Variants in TXNL1 observed in about 807,000 individuals in gnomAD.
The protein encoded by TXNL1 is thioredoxin like 1, also known as thioredoxin-like protein 1.
In TXNL1, 14 loss-of-function variants were observed where a neutral mutation model predicts 35.5. The ratio of observed to expected loss-of-function variants is 0.39; its 90% CI spans 0.26 to 0.62. The LOEUF (loss-of-function observed/expected upper bound fraction) is 0.62, where lower values mean the gene tolerates loss of function less well. Ranked by LOEUF, TXNL1 falls within the 20% of genes least tolerant of loss-of-function variation. TXNL1 has a pLI of 0.47. For synonymous variants in TXNL1, 110 were observed against 115.5 expected, an observed-to-expected ratio of 0.95 and a Z score of 0.31; for missense variants, 263 against 349.7, an observed-to-expected ratio of 0.75 and a Z score of 1.98.
chr18:56,638,168 G>A (rs2024487042), intron 1 of TXNL1, among the ~76,000 whole-genome samples, 175 bp downstream of exon 1: 2 of 152,226 alleles, frequency 1.3e-5, no homozygotes, highest in African/African-American at 4.8e-5. Context: ...GAACCCCTGT[G>A]CATAAATGGG....
At chr18:56,629,897 A>G (rs1483995466) in intron 1 of TXNL1, among the ~76,000 whole-genome samples, 3 of 152,142 alleles carry the variant, frequency 2.0e-5, no homozygotes, top group Non-Finnish European at 4.4e-5. Flanking sequence ...CAAGATCAGT[A>G]AGAAAGATAG....
chr18:56,611,361 G>C (rs1598913652), intron 6 of TXNL1, among the ~76,000 whole-genome samples: 1 of 151,930 alleles, frequency 6.6e-6, no homozygotes, highest in Non-Finnish European at 1.5e-5. Flanking sequence ...AATTAACCAG[G>C]TGTGGTGACT....
chr18:56,614,014 TA>T (rs972063648), intron 6 of TXNL1, among the ~76,000 whole-genome samples: 2 of 151,588 alleles, frequency 1.3e-5, no homozygotes, highest in African/African-American at 4.8e-5. Context: ...AAAAAATAAA[TA>T]AATAAAAAGT....
Position 56,624,342 on chromosome 18 carries a change from C to T in TXNL1, c.315G>A (p.Gln105=), listed in dbSNP as rs772004825. 1 of 1,613,694 alleles carries T rather than the reference C, an allele frequency of 6.2e-7. No homozygotes were observed. The change falls in exon 3 of 8, where the codon CAG becomes CAA. Residue 105 remains glutamine (Q), a synonymous_variant. Coordinates refer to ENST00000217515, the MANE Select transcript of TXNL1 (RefSeq NM_004786.3). ...DAVGLEEKIK[Q]HLENDPGSNE... ...TGCTTCCAGGGTCATTTTCTAAGTG[C>T]TGCTTGATTTTTTCTTCTAATCCCA...
rs139178960 is a variant in TXNL1, at chr18:56,612,753, A to T, written c.736-1656T>A. ...ATTCGTCAGTTTTTATTGTTTTCATAGGCAGCCATATGTTATTTCAAGAAA... is the reference window on the plus strand; with the variant it reads ...ATTCGTCAGTTTTTATTGTTTTCATTGGCAGCCATATGTTATTTCAAGAAA... On this transcript the variant is annotated intron_variant, in intron 6 of 7. Transcript: ENST00000217515. Among the ~76,000 whole-genome samples, 336 of 152,304 alleles carry T rather than the reference A, an allele frequency of 2.2e-3. 2 individuals are homozygous for T. Among genetic ancestry groups the T allele is most frequent in the African/African-American group, 7.9e-3 (327 of 41,564 alleles).
In TXNL1 at chr18:56,613,857, T is replaced by C. The variant is rs529634272; in HGVS notation, c.735+567A>G. ...ATACCTTAGGTCATCTTATAAAATG[T>C]AGTATTATCTTTTTAAAAGTCATTT... On this transcript the variant is annotated intron_variant, in intron 6 of 7. Coordinates refer to ENST00000217515, the MANE Select transcript of TXNL1 (RefSeq NM_004786.3). Among the ~76,000 whole-genome samples the C allele has an allele frequency of 3.8e-4, 58 of 152,048 alleles. 1 individual carries two copies. Among genetic ancestry groups the C allele is most frequent in the Admixed American group, 9.8e-4 (15 of 15,258 alleles).
intron 3 of TXNL1, among the ~76,000 whole-genome samples, chr18:56,621,707 A>G (rs1236363034): frequency 1.3e-5 from 2 of 152,094 alleles, no homozygotes; most frequent in Non-Finnish European, 2.9e-5. Context: ...AGTCTATAAA[A>G]CAGATATCCT....
intron 3 of TXNL1, among the ~76,000 whole-genome samples, chr18:56,618,849 A>C (rs996657472): frequency 2.6e-5 from 4 of 152,142 alleles, no homozygotes; most frequent in Non-Finnish European, 5.9e-5. Context: ...CTGTCTCATA[A>C]ATATTTCACA....
At chr18:56,638,321 C>T (rs1213118037) in intron 1 of TXNL1, 22 bp downstream of exon 1, 3 of 1,596,266 alleles carry the variant, frequency 1.9e-6, no homozygotes, top group Middle Eastern at 1.7e-4. Context: ...CGGGGACCCA[C>T]AGAGCTCGAG....
In TXNL1 at chr18:56,600,899, T is replaced by C. The variant is rs1308727201; in HGVS notation, c.*2128A>G. On this transcript the variant is annotated 3_prime_UTR_variant, in exon 8 of 8. Transcript: ENST00000217515. ...CTATTATGAACACGATATTTCACTGTTGTTTCTCATCAAAAGCACCTGATG... is the reference window on the plus strand; with the variant it reads ...CTATTATGAACACGATATTTCACTGCTGTTTCTCATCAAAAGCACCTGATG... The C allele has an allele frequency of 6.6e-6, 1 of 152,238 alleles. No individual in the cohort carries two copies. Among genetic ancestry groups the C allele is most frequent in the Non-Finnish European group, 1.5e-5 (1 of 68,042 alleles). The allele number at this position is 152,238 out of a possible 1,614,324, so 9.4% of individuals were successfully genotyped here. A position where few individuals can be genotyped will look rare whatever the true frequency, so the allele number is the denominator to read the frequency against.
Position 56,638,541 on chromosome 18 carries a change from G to T in TXNL1, c.-101C>A. On this transcript the variant is annotated 5_prime_UTR_variant, in exon 1 of 8. Transcript: ENST00000217515. ...AAGGAGAGATGCTCAGGAAGGCCGA[G>T]GCCTGGACAGAAGAGGTGGCGACCG... 2 of 1,246,376 alleles carry T rather than the reference G, an allele frequency of 1.6e-6. No individual in the cohort carries two copies. The highest frequency in any genetic ancestry group is 1.1e-6 in the Non-Finnish European group (1 of 908,478). The allele number at this position is 1,246,376 out of a possible 1,614,324, so 77.2% of individuals were successfully genotyped here. A position where few individuals can be genotyped will look rare whatever the true frequency, so the allele number is the denominator to read the frequency against.
At chr18:56,604,606 T>C (rs893252363) in intron 7 of TXNL1, 2 of 152,180 alleles carry the variant, frequency 1.3e-5, no homozygotes, top group African/African-American at 4.8e-5. Flanking sequence ...AAAAATTAGG[T>C]GTAAAAAATA....
intron 2 of TXNL1, 173 bp downstream of exon 2, chr18:56,626,188 T>C (rs2024275150): frequency 1.5e-6 from 2 of 1,350,854 alleles, no homozygotes; most frequent in East Asian, 5.3e-5. Flanking sequence ...TGTGCTACTC[T>C]TCTTAACTAA....
intron 3 of TXNL1, among the ~76,000 whole-genome samples, chr18:56,622,815 C>T (rs1239608732): frequency 6.6e-6 from 1 of 152,096 alleles, no homozygotes; most frequent in Non-Finnish European, 1.5e-5. Context: ...TAAATGATTT[C>T]CAAAACTGTC....
At chr18:56,621,196 A>G (rs1451272303) in intron 3 of TXNL1, among the ~76,000 whole-genome samples, 4 of 137,936 alleles carry the variant, frequency 2.9e-5, no homozygotes, top group Non-Finnish European at 6.1e-5. Context: ...CACAAAACAT[A>G]TATATGTATT....
rs1346922120 is a variant in TXNL1 at position 56,602,078 on chromosome 18, T to A, written c.*949A>T. On this transcript the variant is annotated 3_prime_UTR_variant, in exon 8 of 8. Transcript: ENST00000217515. ...CAGGCTGGGGCGCAATGGCGCAATC[T>A]CAGCTCACTGCAACCTCTGCCTCCC... 2.0e-5 allele frequency: 3 copies of A among 152,180 alleles called. No homozygotes were observed. The highest frequency in any genetic ancestry group is 7.2e-5 in the African/African-American group (3 of 41,430). The allele number at this position is 152,180 out of a possible 1,614,324, so 9.4% of individuals were successfully genotyped here.
intron 1 of TXNL1, among the ~76,000 whole-genome samples, chr18:56,632,743 G>A (rs2024394560): frequency 1.3e-5 from 2 of 152,180 alleles, no homozygotes; most frequent in Non-Finnish European, 1.5e-5. Context: ...GGGACAGTGC[G>A]AGGAGTCCGG....
intron 1 of TXNL1, among the ~76,000 whole-genome samples, chr18:56,629,823 A>G (rs1303635340): frequency 1.3e-5 from 2 of 152,212 alleles, no homozygotes; most frequent in Non-Finnish European, 2.9e-5. Flanking sequence ...CACACCAAAA[A>G]GAGAGAATTT....
rs1009995918 is a variant in TXNL1, at chr18:56,599,369, T to C, written c.*3658A>G. ...CATCAGTAGTCTTCCTTAAGAAGTATAGGCTTAACTGGGGAATAGTCAATA... is the reference window on the plus strand; with the variant it reads ...CATCAGTAGTCTTCCTTAAGAAGTACAGGCTTAACTGGGGAATAGTCAATA... On this transcript the variant is annotated 3_prime_UTR_variant, in exon 8 of 8. Coordinates refer to ENST00000217515, the MANE Select transcript of TXNL1 (RefSeq NM_004786.3). 1 of 152,062 alleles carries C rather than the reference T, an allele frequency of 6.6e-6. No individual in the cohort carries two copies. Among genetic ancestry groups the C allele is most frequent in the Admixed American group, 6.6e-5 (1 of 15,260 alleles). The allele number at this position is 152,062 out of a possible 1,614,324, so 9.4% of individuals were successfully genotyped here.
Sources: gnomAD v4.1 joint callset for allele counts (sites outside exome capture counted in the v4.1 genomes callset) on GRCh38, gnomAD v4.1.1 for gene constraint, MANE v1.5 for transcripts, NCBI Gene and HGNC (gene_info 2026-07-23, HGNC 2026-07-21) for gene names.